SH2D4A: variants seen among roughly 807,000 people sequenced by gnomAD.
SH2D4A encodes SH2 domain-containing protein 4A.
Under a neutral mutation model 64.7 loss-of-function variants are expected in SH2D4A, and 70 were observed. The observed-to-expected ratio is 1.08, with a 90% CI of 0.89 to 1.32. The LOEUF (loss-of-function observed/expected upper bound fraction) is 1.32. Among genes scored for constraint, SH2D4A ranks in the 40% most tolerant of loss-of-function variants. The pLI is 0.00. For synonymous variants in SH2D4A, 268 were observed against 200.7 expected (o/e 1.34, Z -2.83); for missense variants, 706 against 540.1 (o/e 1.31, Z -3.04).
At chr8:19,340,601 C>CTTTTTTTTTTTTTT (rs535915285) in intron 4 of SH2D4A, among the ~76,000 whole-genome samples, 1 of 100,532 alleles carries the variant, frequency 9.9e-6, no homozygotes, top group Non-Finnish European at 2.0e-5. Flanking sequence ...TTCTTTCTTT[C>CTTTTTTTTTTTTTT]TTTTTTTTTT....
intron 4 of SH2D4A, among the ~76,000 whole-genome samples, 186 bp downstream of exon 4, chr8:19,335,043 G>A (rs1363357013): frequency 6.6e-6 from 1 of 152,048 alleles, no homozygotes; most frequent in African/African-American, 2.4e-5. Context: ...CAGCACTTTG[G>A]GAGGCCAAGG....
At chr8:19,315,869 C>G (rs1585137963) in intron 1 of SH2D4A, among the ~76,000 whole-genome samples, 1 of 152,316 alleles carries the variant, frequency 6.6e-6, no homozygotes, top group South Asian at 2.1e-4. Context: ...GGCTCCTTCG[C>G]TTCACAGTAG....
intron 8 of SH2D4A, 127 bp downstream of exon 8, chr8:19,373,787 T>C (rs1433736487): frequency 7.6e-6 from 10 of 1,309,190 alleles, no homozygotes; most frequent in Non-Finnish European, 1.0e-5. Context: ...TCAGATTATT[T>C]CACAAAGCAG....
At chr8:19,335,800 A>T (rs1227593407) in intron 4 of SH2D4A, among the ~76,000 whole-genome samples, 1 of 152,194 alleles carries the variant, frequency 6.6e-6, no homozygotes, top group African/African-American at 2.4e-5. Flanking sequence ...GAATTCTCTT[A>T]TGGTTCAGAT....
intron 8 of SH2D4A, chr8:19,375,471 C>A: frequency 6.6e-6 from 1 of 152,252 alleles, no homozygotes; most frequent in South Asian, 2.1e-4. Context: ...TTTTTCACTC[C>A]ACAAAGTTTT....
intron 4 of SH2D4A, among the ~76,000 whole-genome samples, chr8:19,338,911 A>G (rs1162673386): frequency 6.6e-6 from 1 of 152,218 alleles, no homozygotes; most frequent in African/African-American, 2.4e-5. Flanking sequence ...AGACGTATAT[A>G]TGAAAGGGAG....
intron 2 of SH2D4A, among the ~76,000 whole-genome samples, chr8:19,320,708 G>A (rs989982661): frequency 2.0e-4 from 29 of 148,230 alleles, no homozygotes; most frequent in Admixed American, 1.4e-3. Context: ...TCCTCACTCC[G>A]TTCTCACTAA....
At chr8:19,375,481 T>G (rs1440578580) in intron 8 of SH2D4A, 1 of 152,208 alleles carries the variant, frequency 6.6e-6, no homozygotes, top group Non-Finnish European at 1.5e-5. Context: ...CACAAAGTTT[T>G]ATGCTTTCAT....
intron 4 of SH2D4A, among the ~76,000 whole-genome samples, chr8:19,340,584 CT>C (rs372276497): frequency 0.03 from 4,071 of 134,072 alleles, 74 homozygotes; most frequent in South Asian, 0.077. Flanking sequence ...TGATTTTGTT[CT>C]TTTCTTTCTT....
At chr8:19,342,857 G>A (rs2052550129) in intron 4 of SH2D4A, among the ~76,000 whole-genome samples, 2 of 152,204 alleles carry the variant, frequency 1.3e-5, no homozygotes, top group African/African-American at 4.8e-5. Context: ...CATGGAGAAA[G>A]GGAAAGAGGA....
chr8:19,383,401 T>C (rs1333005933), intron 8 of SH2D4A, among the ~76,000 whole-genome samples: 1 of 152,026 alleles, frequency 6.6e-6, no homozygotes, highest in Non-Finnish European at 1.5e-5. Flanking sequence ...TGGTTTTTTT[T>C]TTTTTATTTT....
At chr8:19,325,731 C>T (rs1563184767) in intron 2 of SH2D4A, among the ~76,000 whole-genome samples, 2 of 152,198 alleles carry the variant, frequency 1.3e-5, no homozygotes, top group Non-Finnish European at 2.9e-5. Context: ...TCTTTCTCTC[C>T]TCATCTCTAA....
At chr8:19,364,373 T>C in intron 7 of SH2D4A, 91 bp downstream of exon 7, 1 of 1,450,732 alleles carries the variant, frequency 6.9e-7, no homozygotes, top group Non-Finnish European at 9.4e-7. Context: ...TGAGCTGCCA[T>C]GGGGTGTGGA....
chr8:19,374,522 C>T (rs1287407252), intron 8 of SH2D4A, among the ~76,000 whole-genome samples: 1 of 152,222 alleles, frequency 6.6e-6, no homozygotes, highest in Non-Finnish European at 1.5e-5. Context: ...GTAGTATCAT[C>T]TCACACAGAA....
chr8:19,376,545 C>G (rs577146913), intron 8 of SH2D4A, among the ~76,000 whole-genome samples: 10 of 152,102 alleles, frequency 6.6e-5, no homozygotes, highest in African/African-American at 2.4e-4. Flanking sequence ...TTGCTTGAAC[C>G]CAGGAGGCAC....
chr8:19,321,458 C>T (rs1022521390), intron 2 of SH2D4A, among the ~76,000 whole-genome samples: 133 of 152,330 alleles, frequency 8.7e-4, no homozygotes, highest in African/African-American at 3.1e-3. Flanking sequence ...AAACGATCTG[C>T]CCACCTGGGC....
At chr8:19,334,653 T>G in intron 3 of SH2D4A, 33 bp from the exon 4 acceptor site, 1 of 1,565,810 alleles carries the variant, frequency 6.4e-7, no homozygotes, top group Non-Finnish European at 8.6e-7. Flanking sequence ...TTGAAGAATG[T>G]TTTTTGAGAA....
intron 8 of SH2D4A, among the ~76,000 whole-genome samples, chr8:19,384,856 G>A (rs1237246875): frequency 6.6e-6 from 1 of 152,164 alleles, no homozygotes; most frequent in African/African-American, 2.4e-5. Flanking sequence ...GCAGTTTATT[G>A]CAGCTCAGAA....
At chr8:19,378,028 T>C (rs2053226542) in intron 8 of SH2D4A, among the ~76,000 whole-genome samples, 1 of 152,214 alleles carries the variant, frequency 6.6e-6, no homozygotes, top group Admixed American at 6.5e-5. Flanking sequence ...TTATTTTAAT[T>C]TGTACTAATT....
Sources: allele counts gnomAD v4.1 joint callset (sites outside exome capture counted in the v4.1 genomes callset), GRCh38; gene constraint gnomAD v4.1.1; transcripts MANE v1.5; gene names NCBI Gene and HGNC (gene_info 2026-07-23, HGNC 2026-07-21).